The following ZNF329 variants were observed in gnomAD, a reference collection of about 807,000 sequenced individuals.
ZNF329 encodes zinc finger protein 329.
ZNF329 carries 15 observed loss-of-function variants against 26.6 expected under a neutral mutation model. That is an observed-to-expected ratio of 0.56 (90% confidence interval 0.38 to 0.87). The LOEUF is 0.87. Among genes scored for constraint, ZNF329 ranks in the 40% least tolerant of loss-of-function variants. ZNF329 has a pLI of 0.00. For synonymous variants in ZNF329, 239 were observed against 233.5 expected (o/e 1.02, Z -0.21); for missense variants, 651 against 651.9 (o/e 1.00, Z 0.02).
intron 1 of ZNF329, among the ~76,000 whole-genome samples, chr19:58,146,319 CAAA>C (rs1320240108): frequency 6.6e-6 from 1 of 152,058 alleles, no homozygotes; most frequent in Admixed American, 6.5e-5. Flanking sequence ...ACTAAAAATA[CAAA>C]TATTAGCTGG....
At chr19:58,146,749 C>T (rs1374843046) in intron 1 of ZNF329, among the ~76,000 whole-genome samples, 2 of 151,998 alleles carry the variant, frequency 1.3e-5, no homozygotes, top group Admixed American at 6.5e-5. Flanking sequence ...GACGGGGTTT[C>T]GCTGTGTTGG....
intron 3 of ZNF329, among the ~76,000 whole-genome samples, chr19:58,131,858 T>C (rs929938801): frequency 6.6e-6 from 1 of 151,580 alleles, no homozygotes; most frequent in Non-Finnish European, 1.5e-5. Context: ...CCCGTCTCTA[T>C]TAAAAATACA....
At chr19:58,133,048 G>T (rs1047971572) in intron 3 of ZNF329, among the ~76,000 whole-genome samples, 1 of 152,100 alleles carries the variant, frequency 6.6e-6, no homozygotes, top group African/African-American at 2.4e-5. Flanking sequence ...TCCTGACCTC[G>T]TGATCCGCCC....
At chr19:58,147,269 G>A (rs1419065501) in intron 1 of ZNF329, among the ~76,000 whole-genome samples, 8 of 148,964 alleles carry the variant, frequency 5.4e-5, no homozygotes, top group South Asian at 2.1e-4. Flanking sequence ...GAGACCCTCC[G>A]CCTGGCAACC....
chr19:58,138,919 C>A (rs2075127083), intron 3 of ZNF329, among the ~76,000 whole-genome samples: 1 of 151,300 alleles, frequency 6.6e-6, no homozygotes, highest in Non-Finnish European at 1.5e-5. Flanking sequence ...ATCGCTTAAA[C>A]CTAGGAGGCG....
rs2074868768 is a variant in ZNF329, at chr19:58,128,927, T to A, written c.577A>T (p.Asn193Tyr). 6.2e-7 allele frequency: 1 copy of A among 1,614,016 alleles called. No homozygotes were observed. The highest frequency in any genetic ancestry group is 8.5e-7 in the Non-Finnish European group (1 of 1,180,030). The part of the protein sequence containing the change: ...IFTLSSSLNE[N>Y]QRNLPGEKQY... ...TTCTCTCCAGGGAGATTTCTCTGGT[T>A]TTCATTAAGCGATGAGCTCAGAGTA... Residue 193 changes from asparagine (N) to tyrosine (Y), a missense_variant, in exon 4 of 4, where the codon AAC becomes TAC. Coordinates refer to ENST00000598312, the MANE Select transcript of ZNF329 (RefSeq NM_024620.4).
upstream of ZNF329, among the ~76,000 whole-genome samples, chr19:58,151,878 G>GA (rs890216444): frequency 2.4e-4 from 36 of 152,166 alleles, no homozygotes; most frequent in African/African-American, 7.9e-4. Flanking sequence ...TGCTTGATAG[G>GA]AAAAAACAAA....
intron 3 of ZNF329, among the ~76,000 whole-genome samples, chr19:58,141,647 T>A (rs184013427): frequency 8.8e-4 from 133 of 151,994 alleles, no homozygotes; most frequent in Non-Finnish European, 5.0e-4. Context: ...ATCCCAGCAC[T>A]TTGGGTGGCT....
chr19:58,145,899 AAAGACGAG>A (rs749172273), intron 1 of ZNF329, among the ~76,000 whole-genome samples: 29 of 152,100 alleles, frequency 1.9e-4, no homozygotes, highest in Non-Finnish European at 4.0e-4. Context: ...ATGCCCTGCC[AAAGACGAG>A]AGTCTGAATT....
intron 3 of ZNF329, among the ~76,000 whole-genome samples, chr19:58,130,777 A>G (rs1468832740): frequency 6.6e-6 from 1 of 152,122 alleles, no homozygotes; most frequent in East Asian, 1.9e-4. Context: ...ATGCATATCA[A>G]TCTTCCTGTC....
chr19:58,135,183 G>A (rs1014023733), intron 3 of ZNF329, among the ~76,000 whole-genome samples: 1 of 152,148 alleles, frequency 6.6e-6, no homozygotes, highest in African/African-American at 2.4e-5. Context: ...CAGAGCACAA[G>A]CGATCCTCCT....
At chr19:58,147,037 C>A (rs1183563305) in intron 1 of ZNF329, among the ~76,000 whole-genome samples, 1 of 151,920 alleles carries the variant, frequency 6.6e-6, no homozygotes. Context: ...AGGAGCCCCT[C>A]TGCCTGGCTG....
In ZNF329 at chr19:58,129,102, T is replaced by C. The variant is rs2074875140; in HGVS notation, c.402A>G (p.Glu134=). Reference sequence around the variant, plus strand: ...TCACTGGATTTCTTCCATGAATAACTTCCATGGAATGGTTGAAGCCTTTTC... The same window carrying C: ...TCACTGGATTTCTTCCATGAATAACCTCCATGGAATGGTTGAAGCCTTTTC... ...ACGKGFNHSM[E]VIHGRNPVRE... is the part of the protein sequence containing the mutation. The change falls in exon 4 of 4, where the codon GAA becomes GAG. Residue 134 remains glutamate, a synonymous_variant. Coordinates refer to ENST00000598312, the MANE Select transcript of ZNF329 (RefSeq NM_024620.4). 1 of 1,613,924 alleles carries C rather than the reference T, an allele frequency of 6.2e-7. No individual in the cohort carries two copies. Among genetic ancestry groups the C allele is most frequent in the African/African-American group, 1.3e-5 (1 of 74,930 alleles).
intron 1 of ZNF329, among the ~76,000 whole-genome samples, chr19:58,148,264 C>T (rs1029231293): frequency 5.3e-5 from 8 of 150,632 alleles, no homozygotes; most frequent in Non-Finnish European, 7.4e-5. Context: ...CGCGGAAGGC[C>T]GCAGGGTCCT....
intron 3 of ZNF329, among the ~76,000 whole-genome samples, chr19:58,131,816 G>A (rs894987444): frequency 6.6e-6 from 1 of 152,108 alleles, no homozygotes; most frequent in Non-Finnish European, 1.5e-5. Context: ...AAGGTCAGGA[G>A]ATCGAGACCA....
intron 1 of ZNF329, among the ~76,000 whole-genome samples, chr19:58,146,874 G>A (rs1053589321): frequency 6.6e-6 from 1 of 151,874 alleles, no homozygotes; most frequent in Non-Finnish European, 1.5e-5. Flanking sequence ...CCAGGCTGGA[G>A]TGCAGTGGCG....
At chr19:58,152,214 G>A (rs920553495), upstream of ZNF329, among the ~76,000 whole-genome samples, 1 of 152,084 alleles carries the variant, frequency 6.6e-6, no homozygotes, top group Admixed American at 6.6e-5. Context: ...TGAATGGAAA[G>A]TATTTTTTTA....
chr19:58,133,696 T>C (rs970526228), intron 3 of ZNF329, among the ~76,000 whole-genome samples: 3 of 151,842 alleles, frequency 2.0e-5, no homozygotes, highest in Admixed American at 6.6e-5. Flanking sequence ...AACAAAGGAA[T>C]TGATGAATAT....
intron 3 of ZNF329, among the ~76,000 whole-genome samples, chr19:58,136,229 C>CA (rs201265531): frequency 0.017 from 1,898 of 109,596 alleles, 49 homozygotes; most frequent in East Asian, 0.065. Context: ...GACTCCATCT[C>CA]AAAAAAAAAA....
Sources: allele counts gnomAD v4.1 joint callset (sites outside exome capture counted in the v4.1 genomes callset), GRCh38; gene constraint gnomAD v4.1.1; transcripts MANE v1.5; gene names NCBI Gene and HGNC (gene_info 2026-07-23, HGNC 2026-07-21).